PTPN11: variants seen among roughly 807,000 people sequenced by gnomAD.
PTPN11 encodes the protein protein tyrosine phosphatase non-receptor type 11, also known as tyrosine-protein phosphatase non-receptor type 11.
A neutral mutation model predicts 78.8 loss-of-function variants in PTPN11; 6 were observed. That is an observed-to-expected ratio of 0.08 (90% CI 0.04 to 0.15). The LOEUF (loss-of-function observed/expected upper bound fraction) is 0.15. Ranked by LOEUF, PTPN11 falls within the 10% of genes least tolerant of loss-of-function variation. PTPN11 has a pLI of 1.00. For synonymous variants in PTPN11, 221 were observed against 263.5 expected (o/e 0.84, Z 1.56); for missense variants, 386 against 744.8 (o/e 0.52, Z 5.61).
intron 1 of PTPN11, among the ~76,000 whole-genome samples, chr12:112,444,498 C>T (rs1413938283): frequency 7.9e-5 from 12 of 152,014 alleles, no homozygotes; most frequent in Admixed American, 5.2e-4. Flanking sequence ...CGCGCCACCA[C>T]GCCCAACTAA....
intron 10 of PTPN11, 56 bp from the exon 11 acceptor site, chr12:112,486,419 T>G: frequency 6.5e-7 from 1 of 1,526,828 alleles, no homozygotes; most frequent in East Asian, 2.2e-5. Context: ...ACCGGGTGAT[T>G]CCTCAACCTC....
intron 6 of PTPN11, among the ~76,000 whole-genome samples, chr12:112,458,097 G>A (rs769790537): frequency 2.0e-5 from 3 of 152,218 alleles, no homozygotes; most frequent in Non-Finnish European, 2.9e-5. Context: ...TTTAGCCAGA[G>A]TATGTCTGAA....
chr12:112,433,582 A>G (rs1040732832), intron 1 of PTPN11, among the ~76,000 whole-genome samples: 1 of 152,252 alleles, frequency 6.6e-6, no homozygotes, highest in Non-Finnish European at 1.5e-5. Context: ...ACCAGAGGAT[A>G]ACATAAATGT....
At chr12:112,457,167 G>A in intron 6 of PTPN11, 1 of 327,480 alleles carries the variant, frequency 3.1e-6, no homozygotes, top group Non-Finnish European at 6.0e-6. Flanking sequence ...TCAGCACTTT[G>A]AGAGGGTGAG....
chr12:112,502,398 C>T, intron 14 of PTPN11, 142 bp downstream of exon 14: 1 of 758,440 alleles, frequency 1.3e-6, no homozygotes. Context: ...GTTAGTGTAT[C>T]TGTGACTGGT....
chr12:112,448,480 G>T (rs1057461523), intron 2 of PTPN11, among the ~76,000 whole-genome samples: 3 of 152,004 alleles, frequency 2.0e-5, no homozygotes, highest in African/African-American at 7.2e-5. Context: ...GCCTCCCAAA[G>T]TGCTGGGATT....
chr12:112,468,945 TC>T (rs774210406), intron 6 of PTPN11, among the ~76,000 whole-genome samples: 53 of 152,256 alleles, frequency 3.5e-4, no homozygotes, highest in Non-Finnish European at 6.2e-4. Flanking sequence ...GTGCCTGTAG[TC>T]CCAGCCACTC....
At chr12:112,502,324 A>T (rs1331219976) in intron 14 of PTPN11, 68 bp downstream of exon 14, 19 of 1,304,200 alleles carry the variant, frequency 1.5e-5, no homozygotes, top group Non-Finnish European at 2.0e-5. Flanking sequence ...AAAAACAAAA[A>T]CAAAAACAAA....
chr12:112,482,461 G>A lies in PTPN11; in HGVS notation c.1224+256G>A, dbSNP rs1198201938. Reference sequence around the variant, plus strand: ...TTTAAAAACAAATAACTGGCCAGGCGCCGTGGCTCAGGCCTGTAATCCCAG... The same window carrying A: ...TTTAAAAACAAATAACTGGCCAGGCACCGTGGCTCAGGCCTGTAATCCCAG... On this transcript the variant is annotated intron_variant, in intron 10 of 15. Coordinates refer to ENST00000351677, the MANE Select transcript of PTPN11 (RefSeq NM_002834.5). The surrounding 1 kb of genome is among the most constrained non-coding windows in gnomAD (Gnocchi z 4.4). Among the ~76,000 whole-genome samples, 1 of 152,260 alleles carries A rather than the reference G, an allele frequency of 6.6e-6. No individual in the cohort carries two copies. Among genetic ancestry groups the A allele is most frequent in the Non-Finnish European group, 1.5e-5 (1 of 68,024 alleles).
chr12:112,419,229 C>T, intron 1 of PTPN11, 104 bp downstream of exon 1: 2 of 1,238,336 alleles, frequency 1.6e-6, no homozygotes, highest in Non-Finnish European at 2.1e-6. Flanking sequence ...CGGGCTCCCG[C>T]CCCGGGTCGG....
intron 6 of PTPN11, among the ~76,000 whole-genome samples, chr12:112,466,666 A>G (rs558815496): frequency 6.6e-6 from 1 of 152,312 alleles, no homozygotes; most frequent in East Asian, 1.9e-4. Context: ...CTTTGTCTTA[A>G]AAAGTAATCT....
chr12:112,423,188 T>TA (rs2037551489), intron 1 of PTPN11, among the ~76,000 whole-genome samples: 1 of 152,152 alleles, frequency 6.6e-6, no homozygotes, highest in Admixed American at 6.6e-5. Flanking sequence ...ATAGGAAAAA[T>TA]ACTATCCATG....
intron 13 of PTPN11, among the ~76,000 whole-genome samples, chr12:112,489,828 A>G (rs538354852): frequency 1.3e-4 from 20 of 152,260 alleles, no homozygotes; most frequent in African/African-American, 4.8e-4. Context: ...TCTAAACATC[A>G]GTGGCGAGTG....
Position 112,507,561 on chromosome 12 carries a change from C to T in PTPN11, c.*1769C>T, listed in dbSNP as rs2038949910. 1 of 152,826 alleles carries T rather than the reference C, an allele frequency of 6.5e-6. No individual in the cohort carries two copies. The highest frequency in any genetic ancestry group is 1.5e-5 in the Non-Finnish European group (1 of 68,052). The allele number at this position is 152,826 out of a possible 1,614,324, so 9.5% of individuals were successfully genotyped here. On this transcript the variant is annotated 3_prime_UTR_variant, in exon 16 of 16. Transcript: ENST00000351677. Reference sequence around the variant, plus strand: ...CTACATTAAGTGCCTTCTCCAAAGACATCCCTCTTTGCCTCATATGTTGAA... The same window carrying T: ...CTACATTAAGTGCCTTCTCCAAAGATATCCCTCTTTGCCTCATATGTTGAA...
intron 10 of PTPN11, 160 bp from the exon 11 acceptor site, chr12:112,486,315 A>G (rs749931248): frequency 6.6e-6 from 5 of 761,374 alleles, no homozygotes; most frequent in Non-Finnish European, 1.1e-5. Flanking sequence ...GGATTGCCCA[A>G]AAGGAGACGA....
At chr12:112,498,366 G>T (rs1477043632) in intron 13 of PTPN11, among the ~76,000 whole-genome samples, 3 of 152,162 alleles carry the variant, frequency 2.0e-5, no homozygotes, top group African/African-American at 7.2e-5. Context: ...GATAGTGGAA[G>T]GAATCATGGT....
rs2038605278 is a variant in PTPN11 at position 112,482,085 on chromosome 12, C to T, written c.1104C>T (p.Val368=). 1.3e-6 allele frequency: 2 copies of T among 1,575,338 alleles called. No individual in the cohort carries two copies. The highest frequency in any genetic ancestry group is 1.4e-5 in the African/African-American group (1 of 73,894). The part of the protein sequence containing the change: ...KEVERGKSKC[V]KYWPDEYALK... ...CTGATCTCTTCCAGAGTAAATGTGTCAAATACTGGCCTGATGAGTATGCTC... is the reference window on the plus strand; with the variant it reads ...CTGATCTCTTCCAGAGTAAATGTGTTAAATACTGGCCTGATGAGTATGCTC... Residue 368 remains valine, a synonymous_variant, in exon 10 of 16, where the codon GTC becomes GTT. Coordinates refer to ENST00000351677, the MANE Select transcript of PTPN11 (RefSeq NM_002834.5). This position sits in a 1 kb window ranked among gnomAD's most constrained non-coding sequence, Gnocchi z 4.4.
At chr12:112,446,737 T>C (rs2037999550) in intron 2 of PTPN11, among the ~76,000 whole-genome samples, 1 of 152,038 alleles carries the variant, frequency 6.6e-6, no homozygotes, top group African/African-American at 2.4e-5. Context: ...TTATTTCTTT[T>C]CAATTTTTTT....
At chr12:112,444,854 A>G (rs1316610516) in intron 1 of PTPN11, among the ~76,000 whole-genome samples, 2 of 152,152 alleles carry the variant, frequency 1.3e-5, no homozygotes, top group African/African-American at 2.4e-5. Flanking sequence ...GGCCCACAAT[A>G]GGATGTTCCA....
Sources: gnomAD v4.1 joint callset for allele counts (sites outside exome capture counted in the v4.1 genomes callset) on GRCh38, gnomAD v4.1.1 for gene constraint, Gnocchi (gnomAD v3.1) non-coding constraint, MANE v1.5 for transcripts, NCBI Gene and HGNC (gene_info 2026-07-23, HGNC 2026-07-21) for gene names.